The following DMXL2 variants were observed in gnomAD, a reference collection of about 807,000 sequenced individuals.
The protein encoded by DMXL2 is dmX-like protein 2.
A neutral mutation model predicts 331.1 loss-of-function variants in DMXL2; 103 were observed. The ratio of observed to expected loss-of-function variants is 0.31; its 90% CI spans 0.27 to 0.37. DMXL2 has a LOEUF of 0.37. DMXL2 is among the 10% of genes least tolerant of loss of function. The probability of loss-of-function intolerance (pLI) is 1.00; values close to 1 mark genes in which losing one functional copy is unlikely to be tolerated. For synonymous variants in DMXL2, 1,281 were observed against 1,252.1 expected, an observed-to-expected ratio of 1.02 and a Z score of -0.49; for missense variants, 3,171 against 3,642.9, an observed-to-expected ratio of 0.87 and a Z score of 3.33.
rs1566994105 is a variant in DMXL2 at position 51,471,216 on chromosome 15, TC to T, written c.7392+6del. Reference sequence around the variant, plus strand: ...CTCTTAAAGCTTGCATTCCTCACACTCCTTACCTTTGCAACAAAATAATCCC... The same window carrying T: ...CTCTTAAAGCTTGCATTCCTCACACTCTTACCTTTGCAACAAAATAATCCC... On this transcript the variant is annotated splice_donor_region_variant and intron_variant, in intron 29 of 43. Coordinates refer to ENST00000560891, the MANE Select transcript of DMXL2 (RefSeq NM_001378457.1). 6.2e-7 allele frequency: 1 copy of T among 1,612,902 alleles called. No individual in the cohort carries two copies. The highest frequency in any genetic ancestry group is 8.5e-7 in the Non-Finnish European group (1 of 1,179,182).
intron 14 of DMXL2, among the ~76,000 whole-genome samples, chr15:51,514,820 T>A (rs1336073875): frequency 8.9e-6 from 1 of 112,040 alleles, no homozygotes; most frequent in Non-Finnish European, 2.0e-5. Flanking sequence ...GGTTTGCTTC[T>A]CAGGAAAAAA....
chr15:51,514,625 G>T, intron 14 of DMXL2, 66 bp from the exon 15 acceptor site: 5 of 915,134 alleles, frequency 5.5e-6, no homozygotes, highest in Admixed American at 2.1e-5. Context: ...TCTCCCATCT[G>T]TCACCTCCCC....
intron 2 of DMXL2, among the ~76,000 whole-genome samples, chr15:51,569,519 C>T (rs185229725): frequency 6.6e-6 from 1 of 152,210 alleles, no homozygotes; most frequent in African/African-American, 2.4e-5. Context: ...CTGACCCCCC[C>T]GTGTACCCAG....
In DMXL2 at chr15:51,517,068, A is replaced by ATT; in HGVS notation, c.2526+9_2526+10insAA. ...ATACGAATATCACCAATTCACAAGC[A>ATT]TGTTTTTACTTGGTTGGTTATTGCG... is the stretch of plus-strand genomic sequence containing the variant. On this transcript the variant is annotated intron_variant, in intron 14 of 43. Coordinates refer to ENST00000560891, the MANE Select transcript of DMXL2 (RefSeq NM_001378457.1). 6.2e-7 allele frequency: 1 copy of ATT among 1,609,184 alleles called. No individual in the cohort carries two copies. Among genetic ancestry groups the ATT allele is most frequent in the Non-Finnish European group, 8.5e-7 (1 of 1,175,466 alleles).
rs1329282247 is a variant in DMXL2, at chr15:51,463,464, C to T, written c.7841G>A (p.Arg2614Gln). The T allele has an allele frequency of 2.5e-6, 4 of 1,596,998 alleles. No individual in the cohort carries two copies. Among genetic ancestry groups the T allele is most frequent in the African/African-American group, 1.4e-5 (1 of 73,910 alleles). Residue 2614 changes from arginine to glutamine, a missense_variant, in exon 33 of 44, where the codon CGA becomes CAA. Around this residue, in one of 7 missense-constraint regions of DMXL2, gnomAD observed 766 missense variants for 940.5 expected, o/e 0.81. Transcript: ENST00000560891. Reference sequence around the variant, plus strand: ...TTGTTTAACAAGGAAATGCCAAAGTCGTTTGACTGGAAATGCAGAAGAATC... The same window carrying T: ...TTGTTTAACAAGGAAATGCCAAAGTTGTTTGACTGGAAATGCAGAAGAATC... ...SRDSSAFPVKRLWHFLVKQEV... is the reference protein window; with the variant it reads ...SRDSSAFPVKQLWHFLVKQEV...
intron 13 of DMXL2, among the ~76,000 whole-genome samples, chr15:51,522,832 A>T (rs1399935529): frequency 6.6e-6 from 1 of 152,212 alleles, no homozygotes; most frequent in Non-Finnish European, 1.5e-5. Context: ...ATATTCAAGC[A>T]GCTACTAAGC....
chr15:51,622,726 T>C lies in DMXL2; in HGVS notation c.-181A>G. On this transcript the variant is annotated 5_prime_UTR_variant, in exon 1 of 44. Coordinates refer to ENST00000560891, the MANE Select transcript of DMXL2 (RefSeq NM_001378457.1). ...TCCGCCTCGTCCCTGCCATGGGAGCTCCTCGACCGCCGCCGCCGCCCGGGT... is the reference window on the plus strand; with the variant it reads ...TCCGCCTCGTCCCTGCCATGGGAGCCCCTCGACCGCCGCCGCCGCCCGGGT... 1 of 1,235,356 alleles carries C rather than the reference T, an allele frequency of 8.1e-7. No homozygotes were observed. Among genetic ancestry groups the C allele is most frequent in the Middle Eastern group, 2.9e-4 (1 of 3,478 alleles). 76.5% of individuals were successfully genotyped at this position (1,235,356 alleles called of 1,614,324 possible).
At chr15:51,563,300 A>G in intron 6 of DMXL2, 81 bp downstream of exon 6, 1 of 1,212,414 alleles carries the variant, frequency 8.2e-7, no homozygotes, top group Non-Finnish European at 1.2e-6. Context: ...TACAGATGAG[A>G]AAACTGAAAA....
chr15:51,591,368 GGC>G (rs2052314537), intron 1 of DMXL2, among the ~76,000 whole-genome samples: 1 of 152,204 alleles, frequency 6.6e-6, no homozygotes, highest in Non-Finnish European at 1.5e-5. Flanking sequence ...ACTGCAAGGT[GGC>G]AGTGCGGCTG....
intron 13 of DMXL2, among the ~76,000 whole-genome samples, chr15:51,523,220 G>A (rs908471486): frequency 6.6e-6 from 1 of 152,194 alleles, no homozygotes; most frequent in Non-Finnish European, 1.5e-5. Context: ...TCAAAACGAT[G>A]AGCAGAAATA....
intron 13 of DMXL2, among the ~76,000 whole-genome samples, chr15:51,523,521 T>C (rs1164416289): frequency 6.6e-6 from 1 of 152,228 alleles, no homozygotes; most frequent in African/African-American, 2.4e-5. Context: ...GAATGTAACC[T>C]TGTTTGAACG....
intron 41 of DMXL2, among the ~76,000 whole-genome samples, chr15:51,453,029 C>T (rs559875733): frequency 1.3e-5 from 2 of 151,788 alleles, no homozygotes; most frequent in East Asian, 3.9e-4. Flanking sequence ...TAAGTGGGAG[C>T]TAAGCTATGA....
chr15:51,536,016 G>A (rs2048266781), intron 12 of DMXL2, 150 bp downstream of exon 12: 1 of 870,352 alleles, frequency 1.1e-6, no homozygotes, highest in Non-Finnish European at 1.7e-6. Context: ...TCAGTCTCAT[G>A]CCTGTATTCT....
chr15:51,573,428 A>G (rs2050801600), intron 2 of DMXL2, among the ~76,000 whole-genome samples: 1 of 152,236 alleles, frequency 6.6e-6, no homozygotes. Context: ...TCACAACAGC[A>G]AAGACTTAGA....
rs777130265 is a variant in DMXL2, at chr15:51,564,108, T to A, written c.500+17A>T. The A allele has an allele frequency of 1.3e-6, 2 of 1,578,304 alleles. No homozygotes were observed. The highest frequency in any genetic ancestry group is 3.9e-5 in the Admixed American group (2 of 51,026). ...TGCTTTTAATTAATGAATATAACAA[T>A]AGAAATAGACACTAACTTGCACTGC... On this transcript the variant is annotated intron_variant, in intron 5 of 43. Transcript: ENST00000560891.
chr15:51,583,148 T>G (rs1416363412), intron 1 of DMXL2, among the ~76,000 whole-genome samples: 1 of 125,798 alleles, frequency 7.9e-6, no homozygotes, highest in African/African-American at 3.0e-5. Flanking sequence ...TATTATACTC[T>G]AAGTTTTAGG....
In DMXL2 at chr15:51,495,059, A is replaced by G; in HGVS notation, c.4748T>C (p.Leu1583Pro). 1 of 1,613,492 alleles carries G rather than the reference A, an allele frequency of 6.2e-7. No homozygotes were observed. Among genetic ancestry groups the G allele is most frequent in the Admixed American group, 1.7e-5 (1 of 60,016 alleles). Residue 1583 changes from leucine to proline, a missense_variant, in exon 19 of 44, where the codon CTG becomes CCG. By Grantham distance (98) the Leu-to-Pro change is moderately conservative (BLOSUM62 -3). Transcript: ENST00000560891. ...MRLHTCLLTS[L>P]PPLYRVQLLH... ...TAGCTGCACTCGGTATAAAGGAGGC[A>G]GCGATGTCAAAAGGCATGTGTGTAG...
At position 51,536,303 on chromosome 15, in the gene DMXL2, A is replaced by G. The variant is rs1030856468; in HGVS notation, c.2177T>C (p.Ile726Thr). 1 of 1,614,106 alleles carries G rather than the reference A, an allele frequency of 6.2e-7. No homozygotes were observed. Among genetic ancestry groups the G allele is most frequent in the South Asian group, 1.1e-5 (1 of 91,076 alleles). ...TCCTATTGGGTCTACACGCCACAGA[A>G]TAAGTTCACTGTAGATTGCATTTGG... is the stretch of plus-strand genomic sequence containing the variant. ...HDPNAIYSEL[I>T]LWRVDPIGPL... Residue 726 changes from isoleucine (I) to threonine (T), a missense_variant, in exon 12 of 44, where the codon ATT becomes ACT. Physicochemically the swap from Ile to Thr is moderately conservative, Grantham distance 89. This residue lies in a region of DMXL2 where 1,674 missense variants were observed against 1,780.2 expected (regional missense o/e 0.94). Coordinates refer to ENST00000560891, the MANE Select transcript of DMXL2 (RefSeq NM_001378457.1).
chr15:51,539,660 T>G (rs2048481082), intron 9 of DMXL2, among the ~76,000 whole-genome samples: 1 of 151,910 alleles, frequency 6.6e-6, no homozygotes. Flanking sequence ...ACTACAAAAA[T>G]TAGCCAGGTG....
Sources: allele counts gnomAD v4.1 joint callset (sites outside exome capture counted in the v4.1 genomes callset), GRCh38; gene constraint gnomAD v4.1.1; regional missense constraint gnomAD v4.1.1; transcripts MANE v1.5; gene names NCBI Gene and HGNC (gene_info 2026-07-23, HGNC 2026-07-21).